The following ADORA2B variants were observed in gnomAD, a reference collection of about 807,000 sequenced individuals.
ADORA2B encodes the protein adenosine A2b receptor.
ADORA2B carries 18 observed loss-of-function variants against 20.8 expected under a neutral mutation model. The ratio of observed to expected loss-of-function variants is 0.87; its 90% CI spans 0.60 to 1.29. ADORA2B has a LOEUF of 1.29. Among genes scored for constraint, ADORA2B ranks in the 50% most tolerant of loss-of-function variants. The pLI, the probability that ADORA2B is intolerant of heterozygous loss-of-function variation, is 0.00. For missense variants in ADORA2B, 441 were observed against 422.7 expected, an observed-to-expected ratio of 1.04 and a Z score of -0.38; for synonymous variants, 179 against 178.3, an observed-to-expected ratio of 1.00 and a Z score of -0.03.
chr17:15,895,162 G>A, the ADORA2B span, among the ~76,000 whole-genome samples: 1 of 152,048 alleles, frequency 6.6e-6, no homozygotes, highest in East Asian at 1.9e-4. Context: ...CATCTAAGTA[G>A]ACTTAATAAG....
the ADORA2B span, among the ~76,000 whole-genome samples, chr17:15,898,453 CTTTT>C: frequency 7.8e-6 from 1 of 127,498 alleles, no homozygotes; most frequent in Non-Finnish European, 1.7e-5. Context: ...TAATCTCCCA[CTTTT>C]TTTTTTTTTT....
chr17:15,930,675 A>C, the ADORA2B span, among the ~76,000 whole-genome samples: 11 of 152,286 alleles, frequency 7.2e-5, no homozygotes, highest in South Asian at 2.1e-3. Context: ...GATGATTTGC[A>C]TCGGGTGGAG....
upstream of ADORA2B, among the ~76,000 whole-genome samples, chr17:15,942,137 C>T (rs758854): frequency 0.93 from 142,101 of 152,130 alleles, 66,911 homozygotes; most frequent in Non-Finnish European, 0.99. Flanking sequence ...GTTTGGAAAT[C>T]TGTCCTCCCA....
the ADORA2B span, among the ~76,000 whole-genome samples, chr17:15,865,045 C>T: frequency 6.7e-3 from 1,022 of 151,792 alleles, 17 homozygotes; most frequent in African/African-American, 0.023. Context: ...CATATAAAGG[C>T]CCTACATAAA....
At chr17:15,888,500 A>C in the ADORA2B span, among the ~76,000 whole-genome samples, 1 of 127,500 alleles carries the variant, frequency 7.8e-6, no homozygotes, top group Non-Finnish European at 1.6e-5. Context: ...TCCTCATTCA[A>C]GCAAATTGTT....
the ADORA2B span, among the ~76,000 whole-genome samples, chr17:15,915,908 T>C: frequency 6.6e-6 from 1 of 152,330 alleles, no homozygotes; most frequent in Non-Finnish European, 1.5e-5. Flanking sequence ...CAACCAGCTA[T>C]GTGGACATCC....
chr17:15,923,317 T>C, the ADORA2B span, among the ~76,000 whole-genome samples: 1 of 150,338 alleles, frequency 6.7e-6, no homozygotes, highest in Non-Finnish European at 1.5e-5. Flanking sequence ...CCCAAAGTGC[T>C]AGGATTACAG....
chr17:15,949,300 G>C (rs1258815076), intron 1 of ADORA2B, among the ~76,000 whole-genome samples: 3 of 152,016 alleles, frequency 2.0e-5, no homozygotes, highest in Non-Finnish European at 4.4e-5. Context: ...ATCAGTTGAG[G>C]CTAGGAGTTT....
chr17:15,882,076 G>A, the ADORA2B span, among the ~76,000 whole-genome samples: 1 of 152,194 alleles, frequency 6.6e-6, no homozygotes, highest in African/African-American at 2.4e-5. Flanking sequence ...GGTCCTTCGT[G>A]TCCTTAAGGA....
upstream of ADORA2B, among the ~76,000 whole-genome samples, chr17:15,941,334 GATTA>G (rs1969743115): frequency 6.6e-6 from 1 of 152,182 alleles, no homozygotes; most frequent in South Asian, 2.1e-4. Context: ...GGCTTAGAAA[GATTA>G]ATTGACTTGT....
chr17:15,893,685 A>G, the ADORA2B span, among the ~76,000 whole-genome samples: 7 of 152,242 alleles, frequency 4.6e-5, no homozygotes, highest in Admixed American at 1.3e-4. Flanking sequence ...ACTGTATATT[A>G]CATGACATTT....
intron 1 of ADORA2B, among the ~76,000 whole-genome samples, chr17:15,946,210 A>G (rs910235519): frequency 6.6e-6 from 1 of 152,210 alleles, no homozygotes; most frequent in African/African-American, 2.4e-5. Flanking sequence ...GACTCAGATT[A>G]TATACTTTTA....
the ADORA2B span, among the ~76,000 whole-genome samples, chr17:15,872,902 T>C: frequency 1.3e-3 from 198 of 152,372 alleles, 3 homozygotes; most frequent in Non-Finnish European, 1.4e-3. Context: ...TATTTATTTC[T>C]CTTGCCTAAT....
chr17:15,957,366 A>G (rs1455967034), intron 1 of ADORA2B, among the ~76,000 whole-genome samples: 1 of 152,188 alleles, frequency 6.6e-6, no homozygotes, highest in Non-Finnish European at 1.5e-5. Context: ...TGTGCGTGAG[A>G]TCTGCCATTG....
chr17:15,946,018 C>G (rs540832574), intron 1 of ADORA2B, among the ~76,000 whole-genome samples: 26 of 152,176 alleles, frequency 1.7e-4, no homozygotes, highest in Admixed American at 1.7e-3. Context: ...GCGGCAGTCC[C>G]GTGAGTGCTG....
chr17:15,923,206 A>ATTCTTT, the ADORA2B span, among the ~76,000 whole-genome samples: 3 of 113,510 alleles, frequency 2.6e-5, no homozygotes, highest in African/African-American at 1.1e-4. Flanking sequence ...TCTTTTTTTA[A>ATTCTTT]TTTTTTTTTT....
At chr17:15,873,755 G>T in the ADORA2B span, among the ~76,000 whole-genome samples, 1 of 152,132 alleles carries the variant, frequency 6.6e-6, no homozygotes, top group African/African-American at 2.4e-5. Flanking sequence ...AAATGTTGGC[G>T]TGGATGTGGG....
upstream of ADORA2B, among the ~76,000 whole-genome samples, chr17:15,944,137 C>T (rs1234295028): frequency 1.3e-5 from 2 of 152,042 alleles, no homozygotes; most frequent in African/African-American, 4.8e-5. The surrounding 1 kb of genome is among the most constrained non-coding windows in gnomAD (Gnocchi z 4.8). Flanking sequence ...AGCAAACTTC[C>T]TAGGGTGGGT....
chr17:15,924,251 T>G, the ADORA2B span, among the ~76,000 whole-genome samples: 16 of 152,188 alleles, frequency 1.1e-4, no homozygotes, highest in Admixed American at 7.2e-4. Context: ...AGAAAGCCCT[T>G]CCCCATTCCA....
Sources: gnomAD v4.1 joint callset for allele counts (sites outside exome capture counted in the v4.1 genomes callset) on GRCh38, gnomAD v4.1.1 for gene constraint, Gnocchi (gnomAD v3.1) non-coding constraint, MANE v1.5 for transcripts, NCBI Gene and HGNC (gene_info 2026-07-23, HGNC 2026-07-21) for gene names.